The following VPS13A variants were observed in gnomAD, a reference collection of about 807,000 sequenced individuals.
The protein encoded by VPS13A is vacuolar protein sorting 13 homolog A.
In VPS13A, 264 loss-of-function variants were observed where a neutral mutation model predicts 390.9. That is an observed-to-expected ratio of 0.68 (90% CI 0.61 to 0.75). The LOEUF (loss-of-function observed/expected upper bound fraction) is 0.75. Ranked by LOEUF, VPS13A falls within the 30% of genes least tolerant of loss-of-function variation. The pLI is 0.00. For missense variants in VPS13A, 3,409 were observed against 3,733.9 expected, an observed-to-expected ratio of 0.91 and a Z score of 2.27; for synonymous variants, 1,231 against 1,227.1, an observed-to-expected ratio of 1.00 and a Z score of -0.07.
chr9:77,359,835 C>T (rs1587656398), intron 58 of VPS13A, among the ~76,000 whole-genome samples: 3 of 147,470 alleles, frequency 2.0e-5, no homozygotes, highest in East Asian at 2.0e-4. Context: ...AAAAAAAAGG[C>T]GGCTCTGGAT....
At chr9:77,207,235 A>ATG (rs1564630269) in intron 5 of VPS13A, among the ~76,000 whole-genome samples, 3 of 109,048 alleles carry the variant, frequency 2.8e-5, no homozygotes, top group East Asian at 3.1e-4. Context: ...ATATATATAT[A>ATG]TATATATATA....
At position 77,311,827 on chromosome 9, in the gene VPS13A, A is replaced by G. The variant is rs149948428; in HGVS notation, c.4115-2165A>G. Among the ~76,000 whole-genome samples, 944 of 152,336 alleles carry G rather than the reference A, an allele frequency of 6.2e-3. 13 individuals are homozygous for G. Among genetic ancestry groups the G allele is most frequent in the African/African-American group, 0.022 (912 of 41,590 alleles). On this transcript the variant is annotated intron_variant, in intron 35 of 71. Transcript: ENST00000360280. ...ACAAAGATGCACCATTTTGTGGACCATTAAATTTTCTGACCACATTGGATT... is the reference window on the plus strand; with the variant it reads ...ACAAAGATGCACCATTTTGTGGACCGTTAAATTTTCTGACCACATTGGATT...
At chr9:77,405,748 A>G (rs995688992) in intron 69 of VPS13A, 116 bp from the exon 70 acceptor site, 2 of 1,288,638 alleles carry the variant, frequency 1.6e-6, no homozygotes, top group Admixed American at 1.9e-5. Flanking sequence ...AATATAGAAT[A>G]TAGTCTATGT....
chr9:77,373,867 C>G (rs1447275530), intron 67 of VPS13A, among the ~76,000 whole-genome samples: 1 of 152,120 alleles, frequency 6.6e-6, no homozygotes, highest in Non-Finnish European at 1.5e-5. Context: ...ATTTATGCAG[C>G]CAAAAAACTC....
At chr9:77,221,019 G>A (rs1823179402) in intron 12 of VPS13A, among the ~76,000 whole-genome samples, 166 bp from the exon 13 acceptor site, 1 of 152,012 alleles carries the variant, frequency 6.6e-6, no homozygotes, top group Non-Finnish European at 1.5e-5. Context: ...AATATTGAAT[G>A]GATTATTAAT....
intron 68 of VPS13A, among the ~76,000 whole-genome samples, chr9:77,391,156 G>T (rs1458534929): frequency 6.6e-6 from 1 of 152,082 alleles, no homozygotes; most frequent in African/African-American, 2.4e-5. Flanking sequence ...CTCAACTCAT[G>T]ATTTCTCTAC....
intron 34 of VPS13A, among the ~76,000 whole-genome samples, chr9:77,303,528 G>T (rs1423810409): frequency 6.6e-6 from 1 of 152,142 alleles, no homozygotes; most frequent in Non-Finnish European, 1.5e-5. Context: ...AGAAACAACA[G>T]TGGACCCAGG....
intron 1 of VPS13A, among the ~76,000 whole-genome samples, chr9:77,181,005 A>T (rs528225257): frequency 1.3e-5 from 2 of 152,120 alleles, no homozygotes; most frequent in Admixed American, 6.6e-5. Flanking sequence ...AGCTCTGATC[A>T]TGCCACTGCA....
At chr9:77,210,550 T>G in intron 6 of VPS13A, 66 bp from the exon 7 acceptor site, 2 of 1,527,108 alleles carry the variant, frequency 1.3e-6, no homozygotes, top group Non-Finnish European at 1.8e-6. Flanking sequence ...TGACAGTTTT[T>G]TCTATAAAGT....
At chr9:77,257,721 A>T (rs2131287040) in intron 22 of VPS13A, among the ~76,000 whole-genome samples, 1 of 152,292 alleles carries the variant, frequency 6.6e-6, no homozygotes, top group Non-Finnish European at 1.5e-5. Flanking sequence ...GGTTATGATT[A>T]TGTCACTGCA....
intron 27 of VPS13A, among the ~76,000 whole-genome samples, chr9:77,280,445 G>T (rs562270916): frequency 6.6e-6 from 1 of 151,880 alleles, no homozygotes; most frequent in Non-Finnish European, 1.5e-5. Context: ...TAAGAAGATT[G>T]TGTTCTAAGT....
chr9:77,249,692 A>G (rs1825043220), intron 20 of VPS13A, among the ~76,000 whole-genome samples: 1 of 152,200 alleles, frequency 6.6e-6, no homozygotes, highest in Admixed American at 6.5e-5. Flanking sequence ...CAGCTATCCT[A>G]TTTAATTCTG....
At chr9:77,262,175 T>C (rs1340923094) in intron 23 of VPS13A, among the ~76,000 whole-genome samples, 3 of 152,152 alleles carry the variant, frequency 2.0e-5, no homozygotes, top group Non-Finnish European at 2.9e-5. Flanking sequence ...TGTTTGGTTG[T>C]TTTTTATCTC....
chr9:77,283,668 TAAATA>T lies in VPS13A; in HGVS notation c.3339+20_3339+24del. Reference sequence around the variant, plus strand: ...ACAAAAAGGTAAGAATTCTTTTAATTAAATAATAGTACATCATTAAATAGGATTGT... The same window carrying T: ...ACAAAAAGGTAAGAATTCTTTTAATTATAGTACATCATTAAATAGGATTGT... On this transcript the variant is annotated intron_variant, in intron 31 of 71. Coordinates refer to ENST00000360280, the MANE Select transcript of VPS13A (RefSeq NM_033305.3). 6.6e-7 allele frequency: 1 copy of T among 1,513,092 alleles called. No individual in the cohort carries two copies. The highest frequency in any genetic ancestry group is 9.1e-7 in the Non-Finnish European group (1 of 1,098,992). The allele number at this position is 1,513,092 out of a possible 1,614,324, so 93.7% of individuals were successfully genotyped here.
chr9:77,358,590 A>G (rs902773708), intron 57 of VPS13A, 152 bp downstream of exon 57: 1 of 651,574 alleles, frequency 1.5e-6, no homozygotes, highest in African/African-American at 1.8e-5. Flanking sequence ...AGCAAGTACT[A>G]TACACAACTA....
intron 71 of VPS13A, among the ~76,000 whole-genome samples, chr9:77,415,735 AG>A (rs892746461): frequency 1.1e-4 from 16 of 152,186 alleles, no homozygotes; most frequent in Non-Finnish European, 1.9e-4. Flanking sequence ...CAAAGACCTT[AG>A]AAGAACTGCA....
At chr9:77,409,758 A>G (rs994249986) in intron 71 of VPS13A, among the ~76,000 whole-genome samples, 1 of 151,208 alleles carries the variant, frequency 6.6e-6, no homozygotes, top group Non-Finnish European at 1.5e-5. Context: ...AAAAAAGAAT[A>G]GAAATCAACA....
At chr9:77,406,020 G>A (rs1834587694) in intron 70 of VPS13A, 33 bp downstream of exon 70, 1 of 1,611,248 alleles carries the variant, frequency 6.2e-7, no homozygotes, top group East Asian at 2.2e-5. Context: ...TTGAAAACTT[G>A]GAACTGAAAA....
At chr9:77,402,085 CTGTA>C (rs1342406573) in intron 68 of VPS13A, among the ~76,000 whole-genome samples, 1 of 152,110 alleles carries the variant, frequency 6.6e-6, no homozygotes, top group Non-Finnish European at 1.5e-5. Context: ...TTTTCTGAAT[CTGTA>C]TGTATGTCCC....
Sources: allele counts gnomAD v4.1 joint callset (sites outside exome capture counted in the v4.1 genomes callset), GRCh38; gene constraint gnomAD v4.1.1; transcripts MANE v1.5; gene names NCBI Gene and HGNC (gene_info 2026-07-23, HGNC 2026-07-21).